The following CTBP2 variants were observed in gnomAD, a reference collection of about 807,000 sequenced individuals.
The protein encoded by CTBP2 is C-terminal-binding protein 2.
Under a neutral mutation model 80.3 loss-of-function variants are expected in CTBP2, and 30 were observed. That is an observed-to-expected ratio of 0.37 (90% CI 0.28 to 0.51). The LOEUF (loss-of-function observed/expected upper bound fraction) is 0.51, where lower values mean the gene tolerates loss of function less well. Among genes scored for constraint, CTBP2 ranks in the 20% least tolerant of loss-of-function variants. The pLI is 0.93. For missense variants in CTBP2, 1,212 were observed against 1,375.3 expected (o/e 0.88, Z 1.88); for synonymous variants, 594 against 587.4 (o/e 1.01, Z -0.16).
intron 1 of CTBP2, among the ~76,000 whole-genome samples, chr10:125,125,395 C>T (rs1855061977): frequency 6.6e-6 from 1 of 152,166 alleles, no homozygotes. Flanking sequence ...CTCTTCTCAA[C>T]TTTAGGAAAG....
At chr10:124,993,800 C>T (rs530967046) in intron 6 of CTBP2, 55 bp downstream of exon 8, 1 of 1,562,696 alleles carries the variant, frequency 6.4e-7, no homozygotes, top group South Asian at 1.2e-5. Flanking sequence ...GTGTGGGGGT[C>T]AGGTGTGGAG....
chr10:125,070,338 G>C (rs1318425653), intron 2 of CTBP2, among the ~76,000 whole-genome samples: 1 of 152,116 alleles, frequency 6.6e-6, no homozygotes, highest in African/African-American at 2.4e-5. Context: ...GTGACAGAGA[G>C]AGACTCTGTC....
At chr10:125,105,496 T>C (rs910475365) in intron 2 of CTBP2, among the ~76,000 whole-genome samples, 1 of 152,176 alleles carries the variant, frequency 6.6e-6, no homozygotes, top group African/African-American at 2.4e-5. Context: ...CTAAAATTAC[T>C]GAAAGTAACC....
intron 2 of CTBP2, among the ~76,000 whole-genome samples, chr10:125,045,127 AG>A (rs1422996936): frequency 1.1e-4 from 16 of 152,158 alleles, no homozygotes; most frequent in Non-Finnish European, 2.1e-4. Context: ...CTCTGCCCTC[AG>A]GAACAGGATT....
chr10:124,998,392 CT>C, intron 3 of CTBP2: 1 of 588,850 alleles, frequency 1.7e-6, no homozygotes, highest in Non-Finnish European at 3.0e-6. Context: ...CCAAGGAGGA[CT>C]TTTGCTCCAG....
At chr10:125,085,022 C>T (rs912973652) in intron 2 of CTBP2, among the ~76,000 whole-genome samples, 6 of 152,162 alleles carry the variant, frequency 3.9e-5, no homozygotes, top group African/African-American at 1.4e-4. Flanking sequence ...GGGCAAAACC[C>T]AAAGATGACC....
intron 2 of CTBP2, among the ~76,000 whole-genome samples, chr10:125,093,337 C>T (rs779061331): frequency 2.6e-5 from 4 of 152,182 alleles, no homozygotes; most frequent in Non-Finnish European, 2.9e-5. Context: ...AGAATTCCAG[C>T]GGCCAAATGT....
At chr10:125,105,084 G>A (rs1050852386) in intron 2 of CTBP2, among the ~76,000 whole-genome samples, 2 of 152,218 alleles carry the variant, frequency 1.3e-5, no homozygotes, top group Middle Eastern at 3.2e-3. Context: ...CACTGCAGAC[G>A]TGAGCTCCCA....
At chr10:125,092,812 C>T (rs975633352) in intron 2 of CTBP2, among the ~76,000 whole-genome samples, 2 of 151,688 alleles carry the variant, frequency 1.3e-5, no homozygotes, top group African/African-American at 4.9e-5. Flanking sequence ...GGAGCAACGA[C>T]TTCTACAACA....
Position 125,141,140 on chromosome 10 carries a change from C to CA in CTBP2, c.-206+19178dup, listed in dbSNP as rs111428779. Among the ~76,000 whole-genome samples the CA allele has an allele frequency of 1.5e-3, 196 of 128,736 alleles. 1 individual carries two copies. The highest frequency in any genetic ancestry group is 3.9e-3 in the Middle Eastern group (1 of 258). The allele number at this position is 128,736 out of a possible 152,430, so 84.5% of individuals were successfully genotyped here. On this transcript the variant is annotated intron_variant, in intron 1 of 10. Coordinates refer to the CTBP2 transcript ENST00000337195. Reference sequence around the variant, plus strand: ...CCTGGGTAACAGAGTGAGACTCTGTCAAAAAAAAAAAAAGAATAAATAAAA... The same window carrying CA: ...CCTGGGTAACAGAGTGAGACTCTGTCAAAAAAAAAAAAAAGAATAAATAAAA...
At chr10:125,099,572 CA>C (rs1476091155) in intron 2 of CTBP2, among the ~76,000 whole-genome samples, 1 of 152,188 alleles carries the variant, frequency 6.6e-6, no homozygotes, top group Non-Finnish European at 1.5e-5. Flanking sequence ...TCAAAGGGTA[CA>C]ATTCCTCACT....
At chr10:125,090,183 G>A (rs1366791730) in intron 2 of CTBP2, among the ~76,000 whole-genome samples, 3 of 150,868 alleles carry the variant, frequency 2.0e-5, no homozygotes, top group East Asian at 3.9e-4. Flanking sequence ...GGCCAGACAC[G>A]GTGGCTCACA....
chr10:124,992,642 GC>G (rs1183543249), intron 8 of CTBP2, 52 bp downstream of exon 10: 34 of 1,361,404 alleles, frequency 2.5e-5, no homozygotes, highest in Non-Finnish European at 2.6e-5. Flanking sequence ...TCTCTCCCTG[GC>G]CCCGGGGCCG....
intron 1 of CTBP2, among the ~76,000 whole-genome samples, chr10:125,152,749 T>G (rs1860219011): frequency 6.6e-6 from 1 of 152,096 alleles, no homozygotes; most frequent in Non-Finnish European, 1.5e-5. Flanking sequence ...GATAAAGGAA[T>G]CAGGTCTGTC....
At chr10:125,013,265 G>C (rs536648298) in intron 1 of CTBP2, among the ~76,000 whole-genome samples, 2 of 152,110 alleles carry the variant, frequency 1.3e-5, no homozygotes, top group African/African-American at 4.8e-5. Context: ...GGGCCGCCTG[G>C]GATACCCCTA....
At chr10:125,072,425 G>A (rs1375286635) in intron 2 of CTBP2, among the ~76,000 whole-genome samples, 1 of 152,112 alleles carries the variant, frequency 6.6e-6, no homozygotes, top group Non-Finnish European at 1.5e-5. Flanking sequence ...CACCAGCCTT[G>A]CCAACATGGT....
chr10:125,039,834 T>C (rs2946993), intron 2 of CTBP2, among the ~76,000 whole-genome samples: 92,554 of 152,170 alleles, frequency 0.61, 29,506 homozygotes, highest in African/African-American at 0.79. Flanking sequence ...GACACTTGGT[T>C]CCAGCTATAT....
chr10:125,139,150 T>C (rs527534985), intron 1 of CTBP2, among the ~76,000 whole-genome samples: 4 of 152,084 alleles, frequency 2.6e-5, no homozygotes, highest in Non-Finnish European at 4.4e-5. Context: ...GGTGGGGAGA[T>C]TACTTGAGGC....
rs745995502 is a variant in CTBP2 at position 125,027,359 on chromosome 10, CGGCTGACTCCTGGGTCCCGATAGAGGGGA to C, written c.372_400del (p.Pro125AlafsTer37). The C allele has an allele frequency of 3.7e-6, 6 of 1,613,414 alleles. No individual in the cohort carries two copies. The South Asian group carries it at 5.5e-5, about 15-fold the overall frequency. On this transcript the variant is annotated frameshift_variant, in exon 1 of 9. Coordinates refer to ENST00000309035, the MANE Select transcript of CTBP2 (RefSeq NM_022802.3). LOFTEE classifies it high-confidence loss of function. ...AAGCACTCCGTAGCTGGGGACCGGC[CGGCTGACTCCTGGGTCCCGATAGAGGGGA>C]GGCTCTTTGGGTACCCTAGCAGCTC...
Sources: gnomAD v4.1 joint callset for allele counts (sites outside exome capture counted in the v4.1 genomes callset) on GRCh38, gnomAD v4.1.1 for gene constraint, MANE v1.5 for transcripts, NCBI Gene and HGNC (gene_info 2026-07-23, HGNC 2026-07-21) for gene names.